THSD7A: variants seen among roughly 807,000 people sequenced by gnomAD.
The protein encoded by THSD7A is thrombospondin type-1 domain-containing protein 7A.
Under a neutral mutation model 231.3 loss-of-function variants are expected in THSD7A, and 96 were observed. The observed-to-expected ratio is 0.41, with a 90% confidence interval of 0.35 to 0.49. The LOEUF is 0.49. THSD7A is among the 20% of genes least tolerant of loss of function. The pLI, the probability that THSD7A is intolerant of heterozygous loss-of-function variation, is 0.05. For synonymous variants in THSD7A, 940 were observed against 743.3 expected (o/e 1.26, Z -4.30); for missense variants, 2,290 against 2,070.2 (o/e 1.11, Z -2.06).
intron 1 of THSD7A, among the ~76,000 whole-genome samples, chr7:11,743,307 T>C (rs1240581899): frequency 1.3e-5 from 2 of 151,862 alleles, no homozygotes; most frequent in African/African-American, 2.4e-5. Context: ...GGTTTTCTTA[T>C]GTCTTAAAAC....
chr7:11,568,611 T>G, intron 4 of THSD7A, among the ~76,000 whole-genome samples: 1 of 96,888 alleles, frequency 1.0e-5, no homozygotes, highest in African/African-American at 4.2e-5. Context: ...AGTGACAGAG[T>G]GAAACTCCGT....
chr7:11,606,167 G>A lies in THSD7A; in HGVS notation c.1023-12665C>T, dbSNP rs552325606. On this transcript the variant is annotated intron_variant, in intron 2 of 27. Coordinates refer to ENST00000423059, the MANE Select transcript of THSD7A (RefSeq NM_015204.3). ...TTTACAGCAATTTGAAATTGCTGTG[G>A]CATCCATGTGCATGATCAGTGGACT... Among the ~76,000 whole-genome samples the A allele has an allele frequency of 4.2e-4, 64 of 152,210 alleles. No homozygotes were observed. The South Asian group carries it at 0.013, about 31-fold the overall frequency.
In THSD7A at chr7:11,406,220, A is replaced by G; in HGVS notation, c.4237+80T>C. Reference sequence around the variant, plus strand: ...GAAGACTGTTGACATCCTGTAACTTATACTTTATATGCAACCCCTTCACGG... The same window carrying G: ...GAAGACTGTTGACATCCTGTAACTTGTACTTTATATGCAACCCCTTCACGG... On this transcript the variant is annotated intron_variant, in intron 22 of 27. Coordinates refer to ENST00000423059, the MANE Select transcript of THSD7A (RefSeq NM_015204.3). The surrounding 1 kb of genome is among the most constrained non-coding windows in gnomAD (Gnocchi z 4.7). 7.2e-7 allele frequency: 1 copy of G among 1,390,672 alleles called. No individual in the cohort carries two copies. The highest frequency in any genetic ancestry group is 1.4e-5 in the South Asian group (1 of 72,114). 86.1% of individuals were successfully genotyped at this position (1,390,672 alleles called of 1,614,324 possible).
intron 1 of THSD7A, among the ~76,000 whole-genome samples, chr7:11,693,095 C>A (rs1237800803): frequency 1.3e-5 from 2 of 151,590 alleles, no homozygotes; most frequent in Admixed American, 1.3e-4. Context: ...AATGAATGAA[C>A]TTTTCAAGAA....
chr7:11,696,631 C>T (rs1183337774), intron 1 of THSD7A, among the ~76,000 whole-genome samples: 1 of 151,132 alleles, frequency 6.6e-6, no homozygotes, highest in Non-Finnish European at 1.5e-5. Context: ...GAGTGAACTC[C>T]CATTCACAGT....
intron 1 of THSD7A, among the ~76,000 whole-genome samples, chr7:11,730,487 T>C (rs760996372): frequency 4.6e-5 from 7 of 151,660 alleles, no homozygotes; most frequent in Non-Finnish European, 1.0e-4. Flanking sequence ...TAATGTATTA[T>C]AATAAATTTA....
chr7:11,638,746 G>T (rs567420734), intron 1 of THSD7A, among the ~76,000 whole-genome samples: 1 of 152,204 alleles, frequency 6.6e-6, no homozygotes, highest in South Asian at 2.1e-4. Flanking sequence ...CAGTCTCCTT[G>T]AAGTATGAAT....
At position 11,389,685 on chromosome 7, in the gene THSD7A, G is replaced by T. The variant is rs190102087; in HGVS notation, c.4412-7069C>A. 3.2e-3 allele frequency among the ~76,000 whole-genome samples: 490 copies of T among 151,898 alleles called. 5 individuals are homozygous for T. The highest frequency in any genetic ancestry group is 3.6e-3 in the Non-Finnish European group (244 of 67,950). On this transcript the variant is annotated intron_variant, in intron 23 of 27. Transcript: ENST00000423059. ...CATTGTGATGCTAGCTGGTTATTGT[G>T]CCTGTTAGTTGATGCAGTTTCTTCA...
intron 1 of THSD7A, among the ~76,000 whole-genome samples, chr7:11,737,966 G>A (rs1033798267): frequency 6.6e-6 from 1 of 151,902 alleles, no homozygotes; most frequent in Non-Finnish European, 1.5e-5. Context: ...ATGGTAAACT[G>A]CATGACTCTC....
chr7:11,390,251 G>C (rs929407993), intron 23 of THSD7A, among the ~76,000 whole-genome samples: 4 of 150,454 alleles, frequency 2.7e-5, no homozygotes, highest in African/African-American at 9.8e-5. Context: ...ATCAAAGGCA[G>C]ATTTAGTCTT....
intron 23 of THSD7A, among the ~76,000 whole-genome samples, chr7:11,395,077 C>T (rs1336958635): frequency 6.6e-6 from 1 of 151,738 alleles, no homozygotes; most frequent in South Asian, 2.1e-4. Flanking sequence ...TGACCCATCT[C>T]ACGTGCAAAG....
chr7:11,809,219 A>G (rs1224328852), intron 1 of THSD7A, among the ~76,000 whole-genome samples: 1 of 152,208 alleles, frequency 6.6e-6, no homozygotes, highest in Non-Finnish European at 1.5e-5. Context: ...CAAAATCATT[A>G]CCAGTAATTT....
At chr7:11,494,462 C>T (rs1787019800) in intron 6 of THSD7A, among the ~76,000 whole-genome samples, 1 of 151,918 alleles carries the variant, frequency 6.6e-6, no homozygotes, top group South Asian at 2.1e-4. Context: ...ACTAAAGTTC[C>T]AGGTAAAATA....
chr7:11,728,157 C>T (rs1450363613), intron 1 of THSD7A, among the ~76,000 whole-genome samples: 1 of 151,938 alleles, frequency 6.6e-6, no homozygotes, highest in African/African-American at 2.4e-5. Context: ...TTCATGTGCA[C>T]ATCAATTTTT....
chr7:11,608,612 G>T (rs963346182), intron 2 of THSD7A, among the ~76,000 whole-genome samples: 1 of 152,048 alleles, frequency 6.6e-6, no homozygotes, highest in Non-Finnish European at 1.5e-5. Flanking sequence ...ATCATAAAAT[G>T]TAATTTATAA....
At chr7:11,711,953 T>C (rs1206105265) in intron 1 of THSD7A, among the ~76,000 whole-genome samples, 1 of 151,060 alleles carries the variant, frequency 6.6e-6, no homozygotes, top group Non-Finnish European at 1.5e-5. Context: ...AGAAATAGCC[T>C]ATGGGTATCG....
chr7:11,531,988 T>C (rs1208961597), intron 6 of THSD7A, among the ~76,000 whole-genome samples: 1 of 152,154 alleles, frequency 6.6e-6, no homozygotes, highest in Non-Finnish European at 1.5e-5. Context: ...GATTTGAGAC[T>C]TGCTTTGACC....
At chr7:11,685,008 A>G (rs138231057) in intron 1 of THSD7A, among the ~76,000 whole-genome samples, 1 of 152,132 alleles carries the variant, frequency 6.6e-6, no homozygotes, top group African/African-American at 2.4e-5. Context: ...ACTGCATGGT[A>G]CTGGTAGAAA....
rs768479270 is a variant in THSD7A, at chr7:11,636,416, A to G, written c.736T>C (p.Cys246Arg). 1.2e-6 allele frequency: 2 copies of G among 1,613,718 alleles called. No individual in the cohort carries two copies. Among genetic ancestry groups the G allele is most frequent in the Non-Finnish European group, 1.7e-6 (2 of 1,179,868 alleles). Residue 246 changes from cysteine (C) to arginine (R), a missense_variant, in exon 2 of 28, where the codon TGC (cysteine) becomes CGC (arginine). Transcript: ENST00000423059. This position sits in a 1 kb window ranked among gnomAD's most constrained non-coding sequence, Gnocchi z 10.0. The part of the protein sequence containing the change: ...TEFQVCQSSP[C>R]EAEELRYSLH... ...CTGTACCTGAGCTCCTCGGCCTCGCATGGACTGGATTGGCACACCTGGAAC... is the reference window on the plus strand; with the variant it reads ...CTGTACCTGAGCTCCTCGGCCTCGCGTGGACTGGATTGGCACACCTGGAAC...
Sources: allele counts gnomAD v4.1 joint callset (sites outside exome capture counted in the v4.1 genomes callset), GRCh38; gene constraint gnomAD v4.1.1; non-coding constraint Gnocchi (gnomAD v3.1); transcripts MANE v1.5; gene names NCBI Gene and HGNC (gene_info 2026-07-23, HGNC 2026-07-21).